The following MSRA variants were observed in gnomAD, a reference collection of about 807,000 sequenced individuals.
MSRA encodes methionine sulfoxide reductase A, also known as mitochondrial peptide methionine sulfoxide reductase.
In MSRA, 54 loss-of-function variants were observed where a neutral mutation model predicts 31.3. The ratio of observed to expected loss-of-function variants is 1.73; its 90% CI spans 1.39 to 2.17. The LOEUF (loss-of-function observed/expected upper bound fraction) is 2.17. MSRA is among the 30% of genes most tolerant of loss of function. The probability of loss-of-function intolerance (pLI) is 0.00; values close to 1 mark genes in which losing one functional copy is unlikely to be tolerated. For missense variants in MSRA, 507 were observed against 300.9 expected, an observed-to-expected ratio of 1.69 and a Z score of -5.07; for synonymous variants, 169 against 116.5, an observed-to-expected ratio of 1.45 and a Z score of -2.90.
chr8:10,404,965 C>G (rs567086187), intron 5 of MSRA, among the ~76,000 whole-genome samples: 1 of 152,216 alleles, frequency 6.6e-6, no homozygotes, highest in Non-Finnish European at 1.5e-5. Flanking sequence ...CCACGATGGC[C>G]GAGCTGCCTT....
intron 3 of MSRA, among the ~76,000 whole-genome samples, chr8:10,285,483 T>C (rs993484740): frequency 4.6e-5 from 7 of 152,220 alleles, no homozygotes; most frequent in Admixed American, 3.9e-4. Flanking sequence ...GTTTATCATT[T>C]CTTTGTGTTG....
At chr8:10,381,526 T>G (rs1806069356) in intron 5 of MSRA, among the ~76,000 whole-genome samples, 1 of 152,170 alleles carries the variant, frequency 6.6e-6, no homozygotes, top group South Asian at 2.1e-4. Context: ...CCAGTGAGTT[T>G]CCATCACCCT....
At chr8:10,202,683 C>G (rs1184331455) in intron 1 of MSRA, among the ~76,000 whole-genome samples, 2 of 152,006 alleles carry the variant, frequency 1.3e-5, no homozygotes, top group Non-Finnish European at 1.5e-5. Flanking sequence ...ATTTGCCGTT[C>G]CTGAAACAGA....
At chr8:10,085,773 C>A (rs1461945947) in intron 1 of MSRA, among the ~76,000 whole-genome samples, 1 of 152,208 alleles carries the variant, frequency 6.6e-6, no homozygotes, top group East Asian at 1.9e-4. Flanking sequence ...CTCCAGCTAA[C>A]AATTGATCTG....
chr8:10,226,726 TG>T (rs1811033961), intron 2 of MSRA, among the ~76,000 whole-genome samples: 1 of 151,832 alleles, frequency 6.6e-6, no homozygotes, highest in Non-Finnish European at 1.5e-5. Context: ...TTTGTTTGTT[TG>T]TTTGTTTTTT....
intron 5 of MSRA, among the ~76,000 whole-genome samples, chr8:10,363,824 C>G (rs1198579373): frequency 4.0e-5 from 6 of 150,848 alleles, no homozygotes; most frequent in Non-Finnish European, 7.4e-5. Context: ...CCCAGCTACT[C>G]AGGAGGCTGA....
At chr8:10,403,432 G>A (rs1250588024) in intron 5 of MSRA, among the ~76,000 whole-genome samples, 1 of 152,192 alleles carries the variant, frequency 6.6e-6, no homozygotes, top group African/African-American at 2.4e-5. Flanking sequence ...CCTTCTCCAG[G>A]GCCACAGGAA....
At chr8:10,089,660 G>T (rs1379215966) in intron 1 of MSRA, among the ~76,000 whole-genome samples, 1 of 152,198 alleles carries the variant, frequency 6.6e-6, no homozygotes, top group African/African-American at 2.4e-5. Flanking sequence ...TCACAGTTCT[G>T]CAGGCTGTAT....
intron 1 of MSRA, among the ~76,000 whole-genome samples, chr8:10,082,507 A>T (rs1036922476): frequency 6.6e-6 from 1 of 152,082 alleles, no homozygotes; most frequent in Non-Finnish European, 1.5e-5. Flanking sequence ...CAGATGGAGC[A>T]CTTCTTTTTG....
At chr8:10,102,227 G>C (rs754357559) in intron 1 of MSRA, among the ~76,000 whole-genome samples, 15 of 152,248 alleles carry the variant, frequency 9.9e-5, no homozygotes, top group Non-Finnish European at 1.2e-4. Flanking sequence ...TACTTCCCCA[G>C]GTGTGCCCTC....
At chr8:10,315,405 G>C (rs144831265) in intron 4 of MSRA, among the ~76,000 whole-genome samples, 1 of 152,224 alleles carries the variant, frequency 6.6e-6, no homozygotes. Flanking sequence ...GTACTTGGCT[G>C]TACTCTCTTT....
chr8:10,226,637 G>T (rs1049146832), intron 2 of MSRA, among the ~76,000 whole-genome samples: 1 of 152,220 alleles, frequency 6.6e-6, no homozygotes, highest in Non-Finnish European at 1.5e-5. Flanking sequence ...TTAGGAAATA[G>T]AAAATTACTA....
intron 5 of MSRA, among the ~76,000 whole-genome samples, chr8:10,427,319 C>G (rs571312155): frequency 3.9e-5 from 6 of 152,328 alleles, no homozygotes; most frequent in Admixed American, 2.0e-4. Flanking sequence ...GGCTGAAATC[C>G]ACGGGGAGCA....
At chr8:10,100,597 T>A (rs1585145537) in intron 1 of MSRA, among the ~76,000 whole-genome samples, 1 of 151,998 alleles carries the variant, frequency 6.6e-6, no homozygotes, top group East Asian at 1.9e-4. Context: ...AAGTAGAAAT[T>A]TAGATCAAGT....
At chr8:10,295,014 C>T (rs543082842) in intron 3 of MSRA, among the ~76,000 whole-genome samples, 2 of 152,260 alleles carry the variant, frequency 1.3e-5, no homozygotes, top group South Asian at 4.1e-4. Context: ...TTGGACAAGT[C>T]CAGCTTGGCG....
chr8:10,092,799 A>G (rs146370519), intron 1 of MSRA, among the ~76,000 whole-genome samples: 19 of 152,318 alleles, frequency 1.2e-4, no homozygotes, highest in East Asian at 3.9e-4. Context: ...GAAGTTTCCA[A>G]CTATCATTGT....
chr8:10,259,554 G>T (rs2975686), intron 3 of MSRA, among the ~76,000 whole-genome samples: 152,019 of 152,258 alleles, frequency 1, 75,890 homozygotes, highest in Middle Eastern at 1. Flanking sequence ...CTAAGTCACT[G>T]TCCCTCCCTT....
At chr8:10,296,708 A>G (rs1270392562) in intron 3 of MSRA, among the ~76,000 whole-genome samples, 1 of 152,202 alleles carries the variant, frequency 6.6e-6, no homozygotes, top group Non-Finnish European at 1.5e-5. Flanking sequence ...GGTTGGGTAG[A>G]TAAAGGCCCC....
At chr8:10,383,703 C>T (rs1030861899) in intron 5 of MSRA, among the ~76,000 whole-genome samples, 9 of 152,148 alleles carry the variant, frequency 5.9e-5, no homozygotes, top group Admixed American at 2.0e-4. Flanking sequence ...CAAATCGGAT[C>T]GCTTTCCTTT....
Sources: allele counts gnomAD v4.1 joint callset (sites outside exome capture counted in the v4.1 genomes callset), GRCh38; gene constraint gnomAD v4.1.1; transcripts MANE v1.5; gene names NCBI Gene and HGNC (gene_info 2026-07-23, HGNC 2026-07-21).